The following CFAP57 variants were observed in gnomAD, a reference collection of about 807,000 sequenced individuals.
The protein encoded by CFAP57 is cilia- and flagella-associated protein 57.
Under a neutral mutation model 146.8 loss-of-function variants are expected in CFAP57, and 116 were observed. That is an observed-to-expected ratio of 0.79 (90% confidence interval 0.68 to 0.92). The LOEUF (loss-of-function observed/expected upper bound fraction) is 0.92, where lower values mean the gene tolerates loss of function less well. Among genes scored for constraint, CFAP57 ranks in the 40% least tolerant of loss-of-function variants. The probability of loss-of-function intolerance (pLI) is 0.00; values close to 1 mark genes in which losing one functional copy is unlikely to be tolerated. For synonymous variants in CFAP57, 518 were observed against 552.8 expected (o/e 0.94, Z 0.88); for missense variants, 1,377 against 1,527.2 (o/e 0.90, Z 1.64).
At chr1:43,224,414 G>C (rs1181982120) in intron 17 of CFAP57, among the ~76,000 whole-genome samples, 1 of 152,212 alleles carries the variant, frequency 6.6e-6, no homozygotes, top group Non-Finnish European at 1.5e-5. Flanking sequence ...ACAACCCAGG[G>C]GGCCTGAGAA....
chr1:43,254,072 C>T lies in CFAP57; in HGVS notation c.3634C>T (p.Gln1212Ter). The change falls in exon 23 of 23, where the codon CAG becomes TAG. Residue 1212 changes from glutamine (Q) to a stop codon, truncating the protein, a stop_gained. Coordinates refer to ENST00000372492, the MANE Select transcript of CFAP57 (RefSeq NM_001378189.1). LOFTEE classifies it low-confidence loss of function (END_TRUNC). ...CATTGAAATGCAGCGCCTAGAAATC[C>T]AGCGCCTCAGAGACCAGATCCAAGA... The part of the protein sequence containing the change: ...RIIEMQRLEI[Q>*]RLRDQIQEQE... 1.3e-6 allele frequency: 2 copies of T among 1,550,540 alleles called. No homozygotes were observed. Among genetic ancestry groups the T allele is most frequent in the Non-Finnish European group, 1.7e-6 (2 of 1,146,992 alleles).
chr1:43,236,190 G>A (rs1481690050), intron 21 of CFAP57, among the ~76,000 whole-genome samples: 4 of 151,940 alleles, frequency 2.6e-5, no homozygotes, highest in Non-Finnish European at 5.9e-5. Flanking sequence ...CTATGTGCTA[G>A]GGAGTCCTGT....
chr1:43,184,723 C>T (rs1404451843), intron 4 of CFAP57, among the ~76,000 whole-genome samples: 4 of 150,998 alleles, frequency 2.6e-5, no homozygotes, highest in African/African-American at 9.8e-5. Flanking sequence ...ACCATCCCCC[C>T]ATGCCAATGG....
intron 13 of CFAP57, among the ~76,000 whole-genome samples, chr1:43,220,686 T>C (rs1645009207): frequency 6.6e-6 from 1 of 152,232 alleles, no homozygotes; most frequent in South Asian, 2.1e-4. Flanking sequence ...ATCTCTGCAC[T>C]GCACTCCAGC....
intron 2 of CFAP57, among the ~76,000 whole-genome samples, chr1:43,180,233 A>G (rs991330978): frequency 6.2e-5 from 9 of 144,154 alleles, no homozygotes; most frequent in South Asian, 2.2e-4. Context: ...TTATATATAT[A>G]TATATAAAAT....
chr1:43,173,629 G>A (rs746318109), intron 2 of CFAP57, among the ~76,000 whole-genome samples: 1 of 152,088 alleles, frequency 6.6e-6, no homozygotes, highest in East Asian at 1.9e-4. Flanking sequence ...CACACATCTC[G>A]ATACATATAG....
At chr1:43,239,994 A>T (rs1645848613) in intron 21 of CFAP57, among the ~76,000 whole-genome samples, 1 of 152,246 alleles carries the variant, frequency 6.6e-6, no homozygotes, top group Non-Finnish European at 1.5e-5. Flanking sequence ...CAAGGTCCAT[A>T]ACCCAATAAA....
chr1:43,214,844 G>C (rs1570149458), intron 11 of CFAP57, among the ~76,000 whole-genome samples: 1 of 152,032 alleles, frequency 6.6e-6, no homozygotes, highest in East Asian at 1.9e-4. Context: ...ATCTCATCAT[G>C]GTCCTAATTT....
intron 22 of CFAP57, among the ~76,000 whole-genome samples, chr1:43,247,791 A>T (rs1012310466): frequency 6.6e-6 from 1 of 152,216 alleles, no homozygotes; most frequent in African/African-American, 2.4e-5. Context: ...TAAGCTTTCC[A>T]TCCAGTCCCA....
rs189145503 is a variant in CFAP57, at chr1:43,184,980, T to C, written c.762-169T>C. On this transcript the variant is annotated intron_variant, in intron 4 of 22. Coordinates refer to ENST00000372492, the MANE Select transcript of CFAP57 (RefSeq NM_001378189.1). The stretch of plus-strand genomic sequence containing the variant: ...TCTCTTGCTTCTAGGCTTGGCCATG[T>C]GCAGTTTGTGTACGGTTCCCAAGCC... 66 of 698,166 alleles carry C rather than the reference T, an allele frequency of 9.5e-5. No homozygotes were observed. In the African/African-American group the frequency reaches 1.1e-3, roughly 11 times the overall value. The allele number at this position is 698,166 out of a possible 1,614,324, so 43.2% of individuals were successfully genotyped here.
chr1:43,181,188 C>T lies in CFAP57; in HGVS notation c.158-346C>T, dbSNP rs534499893. ...CCAGGTTCAAGTGATTCTCCTGCCT[C>T]AGCCTCCCGAGTAGCTGGGATTACA... is the stretch of plus-strand genomic sequence containing the variant. On this transcript the variant is annotated intron_variant, in intron 2 of 22. Coordinates refer to ENST00000372492, the MANE Select transcript of CFAP57 (RefSeq NM_001378189.1). Among the ~76,000 whole-genome samples, 10 of 152,296 alleles carry T rather than the reference C, an allele frequency of 6.6e-5. No individual in the cohort carries two copies. In the East Asian group the frequency reaches 1.9e-3, roughly 29 times the overall value.
chr1:43,233,185 T>A (rs531419692), intron 19 of CFAP57, among the ~76,000 whole-genome samples: 174 of 152,304 alleles, frequency 1.1e-3, no homozygotes, highest in African/African-American at 4.1e-3. Context: ...CCTTAACATT[T>A]GTTGAATAAG....
intron 4 of CFAP57, among the ~76,000 whole-genome samples, chr1:43,184,588 G>T (rs376484607): frequency 6.6e-6 from 1 of 152,016 alleles, no homozygotes; most frequent in African/African-American, 2.4e-5. Context: ...AGATCATTCC[G>T]CTGATAAGTG....
chr1:43,221,337 A>T, intron 13 of CFAP57, 35 bp from the exon 14 acceptor site: 1 of 1,465,736 alleles, frequency 6.8e-7, no homozygotes, highest in Non-Finnish European at 9.2e-7. Context: ...CTTTCAGCAG[A>T]TGTGTGTAAA....
At chr1:43,240,860 G>A (rs368288030) in intron 21 of CFAP57, among the ~76,000 whole-genome samples, 10 of 152,078 alleles carry the variant, frequency 6.6e-5, no homozygotes, top group Admixed American at 1.3e-4. Flanking sequence ...AGAAGGGGCC[G>A]GTCTCGCTCT....
chr1:43,200,341 G>T (rs1644063559), intron 9 of CFAP57, among the ~76,000 whole-genome samples: 1 of 151,912 alleles, frequency 6.6e-6, no homozygotes, highest in Non-Finnish European at 1.5e-5. Flanking sequence ...AAAAATATTA[G>T]CCAGGTGTGG....
chr1:43,250,250 A>G (rs908698566), intron 22 of CFAP57: 2 of 152,238 alleles, frequency 1.3e-5, no homozygotes, highest in East Asian at 1.9e-4. Context: ...TGCCAATACA[A>G]GCGTACTGGT....
intron 1 of CFAP57, 106 bp downstream of exon 1, chr1:43,172,559 C>A (rs1273818326): frequency 1.2e-6 from 1 of 813,460 alleles, no homozygotes; most frequent in East Asian, 2.9e-5. Context: ...CGGAGGAGGA[C>A]CCCGGGGGAG....
At chr1:43,177,032 G>A (rs1189237655) in intron 2 of CFAP57, 1 of 429,052 alleles carries the variant, frequency 2.3e-6, no homozygotes, top group South Asian at 1.7e-5. Flanking sequence ...CCACAGAGGG[G>A]CTTGCAGTTC....
Sources: allele counts gnomAD v4.1 joint callset (sites outside exome capture counted in the v4.1 genomes callset), GRCh38; gene constraint gnomAD v4.1.1; transcripts MANE v1.5; gene names NCBI Gene and HGNC (gene_info 2026-07-23, HGNC 2026-07-21).